The following WNK2 variants were observed in gnomAD, a reference collection of about 807,000 sequenced individuals.
WNK2 encodes WNK lysine deficient protein kinase 2.
Under a neutral mutation model 192.1 loss-of-function variants are expected in WNK2, and 67 were observed. That is an observed-to-expected ratio of 0.35 (90% confidence interval 0.29 to 0.43). The LOEUF is 0.43. Among genes scored for constraint, WNK2 ranks in the 20% least tolerant of loss-of-function variants. The pLI is 1.00. For missense variants in WNK2, 2,698 were observed against 3,089.7 expected (o/e 0.87, Z 3.01); for synonymous variants, 1,439 against 1,393.9 (o/e 1.03, Z -0.72).
At chr9:93,256,663 G>A (rs897956311) in intron 10 of WNK2, 21 of 683,328 alleles carry the variant, frequency 3.1e-5, no homozygotes, top group Middle Eastern at 4.1e-4. Context: ...GTTTGTGTGC[G>A]TGCATAGTGT....
intron 23 of WNK2, 141 bp downstream of exon 23, chr9:93,293,314 G>A: frequency 1.8e-6 from 1 of 570,612 alleles, no homozygotes; most frequent in Non-Finnish European, 2.7e-6. Flanking sequence ...ACAGGGGAGT[G>A]ATGAAGGCTT....
chr9:93,243,416 G>C (rs1428326192), intron 7 of WNK2, among the ~76,000 whole-genome samples: 1 of 152,182 alleles, frequency 6.6e-6, no homozygotes, highest in Non-Finnish European at 1.5e-5. Context: ...CTGCGGCTGT[G>C]TTCCTGCATC....
intron 23 of WNK2, among the ~76,000 whole-genome samples, chr9:93,294,351 C>T (rs1441402916): frequency 6.6e-6 from 1 of 152,214 alleles, no homozygotes; most frequent in Non-Finnish European, 1.5e-5. Context: ...GGTGGAATCA[C>T]TGCTGGTCTT....
intron 28 of WNK2, 191 bp from the exon 29 acceptor site, chr9:93,317,329 C>T: frequency 3.2e-6 from 2 of 622,244 alleles, no homozygotes; most frequent in East Asian, 2.8e-5. Context: ...GGGAAGCAAA[C>T]AAGGGAGGGT....
chr9:93,211,928 A>C (rs1235685603), intron 2 of WNK2, among the ~76,000 whole-genome samples: 1 of 150,458 alleles, frequency 6.6e-6, no homozygotes, highest in African/African-American at 2.5e-5. Flanking sequence ...TCACTCATCT[A>C]CTCATTCACT....
At chr9:93,203,221 G>A (rs1246450177) in intron 2 of WNK2, among the ~76,000 whole-genome samples, 2 of 152,190 alleles carry the variant, frequency 1.3e-5, no homozygotes, top group Admixed American at 1.3e-4. Flanking sequence ...AGGACCTTGA[G>A]CTGCAATGAG....
In WNK2 at chr9:93,251,186, G is replaced by T. The variant is rs1842548362; in HGVS notation, c.1835-1697G>T. 2.0e-5 allele frequency among the ~76,000 whole-genome samples: 3 copies of T among 152,064 alleles called. No homozygotes were observed. The South Asian group carries it at 6.2e-4, about 31-fold the overall frequency. ...GCTGGAGTGCAGTGGCAGGATCTTG[G>T]CTCACTGCAACCACCATCTCCTGGG... is the stretch of plus-strand genomic sequence containing the variant. On this transcript the variant is annotated intron_variant, in intron 8 of 29. Transcript: ENST00000427277.
chr9:93,293,465 G>T (rs983069003), intron 23 of WNK2, among the ~76,000 whole-genome samples: 1 of 152,070 alleles, frequency 6.6e-6, no homozygotes, highest in African/African-American at 2.4e-5. Context: ...GACTACAGGT[G>T]CCTGCCACCA....
Position 93,261,870 on chromosome 9 carries a change from C to A in WNK2, c.3123C>A (p.Thr1041=). ...YAVDVAAQVP[T]VPVPPAAVLS... Reference sequence around the variant, plus strand: ...TGGACGTCGCCGCTCAGGTCCCCACCGTGCCTGTGCCACCGGCTGCGGTCC... The same window carrying A: ...TGGACGTCGCCGCTCAGGTCCCCACAGTGCCTGTGCCACCGGCTGCGGTCC... Residue 1041 remains threonine (T), a synonymous_variant, in exon 13 of 30, where the codon ACC becomes ACA. Coordinates refer to ENST00000427277, the MANE Select transcript of WNK2 (RefSeq NM_006648.4). 6.2e-7 allele frequency: 1 copy of A among 1,600,850 alleles called. No homozygotes were observed. The highest frequency in any genetic ancestry group is 8.5e-7 in the Non-Finnish European group (1 of 1,179,506).
chr9:93,266,549 G>A (rs563405086), intron 16 of WNK2, among the ~76,000 whole-genome samples: 1 of 152,312 alleles, frequency 6.6e-6, no homozygotes, highest in African/African-American at 2.4e-5. Context: ...TTAAATTCTC[G>A]TATGTGGCAC....
In WNK2 at chr9:93,211,437, C is replaced by A. The variant is rs200928132; in HGVS notation, c.682-18259C>A. Among the ~76,000 whole-genome samples, 631 of 150,586 alleles carry A rather than the reference C, an allele frequency of 4.2e-3. 28 individuals carry two copies. In the East Asian group the frequency reaches 0.088, roughly 21 times the overall value. On this transcript the variant is annotated intron_variant, in intron 2 of 29. Transcript: ENST00000427277. ...CCCACCACTCATTCACTCACCCACCCACTCATCCACTCACCCACCCACTCA... is the reference window on the plus strand; with the variant it reads ...CCCACCACTCATTCACTCACCCACCAACTCATCCACTCACCCACCCACTCA...
At chr9:93,215,622 A>G (rs1233343879) in intron 2 of WNK2, among the ~76,000 whole-genome samples, 2 of 152,152 alleles carry the variant, frequency 1.3e-5, no homozygotes, top group African/African-American at 4.8e-5. Context: ...GTTGAACTCA[A>G]TAGATGGGTT....
Position 93,238,379 on chromosome 9 carries a change from C to A in WNK2, c.1322+58C>A, listed in dbSNP as rs1840178420. 3.3e-6 allele frequency: 5 copies of A among 1,514,746 alleles called. No homozygotes were observed. In the South Asian group the frequency reaches 3.4e-5, roughly 10 times the overall value. The allele number at this position is 1,514,746 out of a possible 1,614,324, so 93.8% of individuals were successfully genotyped here. ...CCATCTCCAGCTGAACTCATTCCAG[C>A]TTGCATTGAGAGCTGTGTTCTTGAT... On this transcript the variant is annotated intron_variant, in intron 6 of 29. Coordinates refer to ENST00000427277, the MANE Select transcript of WNK2 (RefSeq NM_006648.4).
rs371460060 is a variant in WNK2 at position 93,239,952 on chromosome 9, G to A, written c.1518G>A (p.Thr506=). The change falls in exon 7 of 30, where the codon ACG becomes ACA. Residue 506 remains threonine (T), a synonymous_variant. Coordinates refer to ENST00000427277, the MANE Select transcript of WNK2 (RefSeq NM_006648.4). The surrounding 1 kb of genome is among the most constrained non-coding windows in gnomAD (Gnocchi z 4.2). ...TCACCTTCGACCTGGAGAAGGAGAC[G>A]CCGGATGAGGTGGCCCAAGAGATGG... The part of the protein sequence containing the change: ...IEFTFDLEKE[T]PDEVAQEMIE... 26 of 1,611,656 alleles carry A rather than the reference G, an allele frequency of 1.6e-5. No homozygotes were observed. In the African/African-American group the frequency reaches 2.1e-4, roughly 13 times the overall value.
intron 23 of WNK2, among the ~76,000 whole-genome samples, chr9:93,296,036 A>T (rs1228069718): frequency 4.3e-4 from 8 of 18,606 alleles, no homozygotes; most frequent in East Asian, 1.4e-3. Context: ...TCCCCTCTCC[A>T]TCATCCCCTC....
intron 4 of WNK2, among the ~76,000 whole-genome samples, chr9:93,231,367 G>A (rs1365118816): frequency 6.6e-6 from 1 of 152,242 alleles, no homozygotes; most frequent in East Asian, 1.9e-4. Context: ...CTCCCCTGCT[G>A]CCCCTGCCTT....
At chr9:93,262,751 G>A (rs775236825) in intron 14 of WNK2, 32 bp downstream of exon 14, 23 of 1,609,038 alleles carry the variant, frequency 1.4e-5, no homozygotes, top group South Asian at 3.3e-5. Flanking sequence ...CTCGCAGGAC[G>A]GGTGTAGGGG....
intron 26 of WNK2, chr9:93,300,394 G>A: frequency 2.6e-6 from 1 of 379,162 alleles, no homozygotes; most frequent in Non-Finnish European, 4.7e-6. Flanking sequence ...GGCACGGAAA[G>A]CATGTGCAGC....
chr9:93,304,307 CTGA>C (rs1306464456), intron 26 of WNK2, among the ~76,000 whole-genome samples: 1 of 152,228 alleles, frequency 6.6e-6, no homozygotes. Flanking sequence ...GGGGCTTCAG[CTGA>C]TGTCGGCTGC....
Sources: gnomAD v4.1 joint callset for allele counts (sites outside exome capture counted in the v4.1 genomes callset) on GRCh38, gnomAD v4.1.1 for gene constraint, Gnocchi (gnomAD v3.1) non-coding constraint, MANE v1.5 for transcripts, NCBI Gene and HGNC (gene_info 2026-07-23, HGNC 2026-07-21) for gene names.